The following DISC1 variants were observed in gnomAD, a reference collection of about 807,000 sequenced individuals.
The protein encoded by DISC1 is DISC1 scaffold protein.
DISC1 carries 57 observed loss-of-function variants against 84.5 expected under a neutral mutation model. That is an observed-to-expected ratio of 0.67 (90% confidence interval 0.55 to 0.84). DISC1 has a LOEUF of 0.84. DISC1 is among the 40% of genes least tolerant of loss of function. The probability of loss-of-function intolerance (pLI) is 0.00; values close to 1 mark genes in which losing one functional copy is unlikely to be tolerated. For missense variants in DISC1, 1,000 were observed against 1,057.8 expected (o/e 0.95, Z 0.76); for synonymous variants, 411 against 415.2 (o/e 0.99, Z 0.12).
At chr1:231,993,910 G>A (rs186395745) in intron 10 of DISC1, among the ~76,000 whole-genome samples, 40 of 152,200 alleles carry the variant, frequency 2.6e-4, no homozygotes, top group East Asian at 2.3e-3. Flanking sequence ...GGTATACTAC[G>A]GAGTGATACA....
intron 3 of DISC1, among the ~76,000 whole-genome samples, chr1:231,727,270 C>T (rs2070849529): frequency 6.6e-6 from 1 of 152,098 alleles, no homozygotes; most frequent in African/African-American, 2.4e-5. Context: ...TTATTTTCTG[C>T]TACTGATATT....
intron 1 of DISC1, among the ~76,000 whole-genome samples, chr1:231,648,424 G>T (rs2060321340): frequency 6.6e-6 from 1 of 152,194 alleles, no homozygotes; most frequent in Non-Finnish European, 1.5e-5. Flanking sequence ...GATCATGGTG[G>T]ATAAGCTTTT....
At chr1:231,979,555 C>T (rs1293839276) in intron 10 of DISC1, among the ~76,000 whole-genome samples, 1 of 151,070 alleles carries the variant, frequency 6.6e-6, no homozygotes, top group Non-Finnish European at 1.5e-5. Flanking sequence ...TTTATTTTCT[C>T]TTATGCTGAA....
intron 1 of DISC1, among the ~76,000 whole-genome samples, chr1:231,670,420 T>C (rs777409939): frequency 1.1e-4 from 17 of 152,208 alleles, no homozygotes; most frequent in Non-Finnish European, 2.4e-4. Context: ...GTAAAGACTG[T>C]CAAGATTGGG....
chr1:231,681,945 C>T (rs1242538596), intron 1 of DISC1, among the ~76,000 whole-genome samples: 3 of 152,196 alleles, frequency 2.0e-5, no homozygotes, highest in African/African-American at 7.2e-5. Context: ...GGTAATCCGC[C>T]TTTCTTGGCC....
intron 9 of DISC1, among the ~76,000 whole-genome samples, chr1:231,906,318 G>A (rs1279070988): frequency 6.6e-6 from 1 of 152,116 alleles, no homozygotes; most frequent in East Asian, 1.9e-4. Flanking sequence ...CACCATGCCC[G>A]GTCAAGGGCA....
At chr1:232,023,939 A>G (rs1430973704) in intron 11 of DISC1, among the ~76,000 whole-genome samples, 1 of 151,842 alleles carries the variant, frequency 6.6e-6, no homozygotes, top group East Asian at 1.9e-4. Flanking sequence ...GGTGTTGCTC[A>G]TTATCCAGTG....
intron 1 of DISC1, among the ~76,000 whole-genome samples, chr1:231,648,609 T>C (rs1336680303): frequency 2.0e-5 from 3 of 152,206 alleles, no homozygotes; most frequent in African/African-American, 2.4e-5. Flanking sequence ...TTTCTATTGA[T>C]TGGAATAGTT....
Position 231,698,813 on chromosome 1 carries a change from A to G in DISC1, c.1048-3142A>G, listed in dbSNP as rs935092657. Among the ~76,000 whole-genome samples, 1 of 152,176 alleles carries G rather than the reference A, an allele frequency of 6.6e-6. No homozygotes were observed. The highest frequency in any genetic ancestry group is 6.5e-5 in the Admixed American group (1 of 15,280). On this transcript the variant is annotated intron_variant, in intron 2 of 12. Transcript: ENST00000439617. The surrounding 1 kb of genome is among the most constrained non-coding windows in gnomAD (Gnocchi z 4.9). ...TTCACACAGCCTTTCTTCTGTCCCT[A>G]ATATATAGGACTAAGTTACTGGTAA...
intron 10 of DISC1, among the ~76,000 whole-genome samples, chr1:231,963,540 A>C (rs529490280): frequency 1.3e-5 from 2 of 148,204 alleles, no homozygotes; most frequent in Non-Finnish European, 3.0e-5. Context: ...CCTCACCCTC[A>C]CCAGGCCTTC....
chr1:231,799,389 A>G (rs2079006087), intron 7 of DISC1, among the ~76,000 whole-genome samples: 1 of 152,100 alleles, frequency 6.6e-6, no homozygotes, highest in Non-Finnish European at 1.5e-5. Context: ...ACTGCGTACT[A>G]TGTGCCAGGC....
At chr1:231,775,747 C>G (rs2076917650) in intron 6 of DISC1, among the ~76,000 whole-genome samples, 1 of 152,140 alleles carries the variant, frequency 6.6e-6, no homozygotes, top group Admixed American at 6.5e-5. Flanking sequence ...GATTTCAACC[C>G]CCCTGCTTTA....
chr1:231,763,250 C>A (rs769774726), intron 4 of DISC1, among the ~76,000 whole-genome samples: 3 of 152,188 alleles, frequency 2.0e-5, no homozygotes, highest in Non-Finnish European at 4.4e-5. Flanking sequence ...CCTGACCCAC[C>A]GGGACTCGGT....
Position 231,844,753 on chromosome 1 carries a change from G to A in DISC1, c.1981+26236G>A, listed in dbSNP as rs532686322. ...CATCCTGGCTAACACGTGAAACCCC[G>A]TCTCTACTAAAAATACAAAAAAAAT... On this transcript the variant is annotated intron_variant, in intron 9 of 12. Coordinates refer to ENST00000439617, the MANE Select transcript of DISC1 (RefSeq NM_018662.3). 4.6e-5 allele frequency among the ~76,000 whole-genome samples: 7 copies of A among 151,806 alleles called. No individual in the cohort carries two copies. In the East Asian group the frequency reaches 1.2e-3, roughly 25 times the overall value.
At chr1:231,921,808 CTTTTTTTTTTT>C (rs11288115) in intron 9 of DISC1, among the ~76,000 whole-genome samples, 1 of 120,222 alleles carries the variant, frequency 8.3e-6, no homozygotes, top group Admixed American at 9.2e-5. Flanking sequence ...CACTAGTTAC[CTTTTTTTTTTT>C]TTTTTTTTGG....
chr1:231,706,363 G>T (rs182407751), intron 3 of DISC1, among the ~76,000 whole-genome samples: 1 of 152,148 alleles, frequency 6.6e-6, no homozygotes, highest in Non-Finnish European at 1.5e-5. Flanking sequence ...CATGGGTGGG[G>T]CAGAGAAAAG....
intron 1 of DISC1, among the ~76,000 whole-genome samples, chr1:231,659,672 T>C (rs754090563): frequency 2.6e-5 from 4 of 152,234 alleles, no homozygotes; most frequent in Non-Finnish European, 4.4e-5. Flanking sequence ...TCTAGGACAT[T>C]GTCTCTTTGT....
chr1:231,886,063 C>G (rs1472964283), intron 9 of DISC1, among the ~76,000 whole-genome samples: 3 of 152,122 alleles, frequency 2.0e-5, no homozygotes, highest in African/African-American at 7.2e-5. Context: ...AGAAAGCAAG[C>G]AAGGGGGGGC....
At chr1:231,757,094 T>A (rs1397036017) in intron 4 of DISC1, among the ~76,000 whole-genome samples, 1 of 152,204 alleles carries the variant, frequency 6.6e-6, no homozygotes, top group Non-Finnish European at 1.5e-5. Flanking sequence ...GCTTTTCCTG[T>A]AGAAATAAAA....
Sources: gnomAD v4.1 joint callset for allele counts (sites outside exome capture counted in the v4.1 genomes callset) on GRCh38, gnomAD v4.1.1 for gene constraint, Gnocchi (gnomAD v3.1) non-coding constraint, MANE v1.5 for transcripts, NCBI Gene and HGNC (gene_info 2026-07-23, HGNC 2026-07-21) for gene names.